SGCD: variants seen among roughly 807,000 people sequenced by gnomAD.
The protein encoded by SGCD is delta-sarcoglycan.
Under a neutral mutation model 36.6 loss-of-function variants are expected in SGCD, and 18 were observed. The observed-to-expected ratio is 0.49, with a 90% CI of 0.34 to 0.73. The LOEUF (loss-of-function observed/expected upper bound fraction) is 0.73, where lower values mean the gene tolerates loss of function less well. Among genes scored for constraint, SGCD ranks in the 30% least tolerant of loss-of-function variants. SGCD has a pLI of 0.01. For missense variants in SGCD, 387 were observed against 346.7 expected, an observed-to-expected ratio of 1.12 and a Z score of -0.92; for synonymous variants, 133 against 130.6, an observed-to-expected ratio of 1.02 and a Z score of -0.12.
intron 1 of SGCD, among the ~76,000 whole-genome samples, chr5:155,889,764 A>G (rs573524876): frequency 6.6e-6 from 1 of 152,184 alleles, no homozygotes; most frequent in Non-Finnish European, 1.5e-5. Flanking sequence ...GAGTAAGATC[A>G]TATCACAGAC....
intron 1 of SGCD, among the ~76,000 whole-genome samples, chr5:156,068,794 G>C (rs1432368805): frequency 6.6e-6 from 1 of 151,672 alleles, no homozygotes; most frequent in Non-Finnish European, 1.5e-5. Flanking sequence ...GTTGTTTCCT[G>C]ACTTCTTAAT....
chr5:155,741,928 AC>A, the SGCD span, among the ~76,000 whole-genome samples: 1 of 151,492 alleles, frequency 6.6e-6, no homozygotes, highest in South Asian at 2.1e-4. Flanking sequence ...CAGAAAATCC[AC>A]CTGCCTTGGC....
chr5:156,002,625 C>G (rs879852439), intron 1 of SGCD, among the ~76,000 whole-genome samples: 1 of 152,206 alleles, frequency 6.6e-6, no homozygotes, highest in Admixed American at 6.5e-5. Flanking sequence ...ACTGTGACTC[C>G]TCTATCCAAC....
At chr5:156,721,590 G>A (rs1318037463) in intron 7 of SGCD, among the ~76,000 whole-genome samples, 1 of 152,150 alleles carries the variant, frequency 6.6e-6, no homozygotes, top group Non-Finnish European at 1.5e-5. Flanking sequence ...TAGTTGAAGG[G>A]GAATTTGGGA....
At chr5:156,646,774 A>G (rs1167616397) in intron 6 of SGCD, among the ~76,000 whole-genome samples, 2 of 152,178 alleles carry the variant, frequency 1.3e-5, no homozygotes, top group African/African-American at 4.8e-5. Flanking sequence ...GGAGCAGACA[A>G]ATCAGATAAT....
the SGCD span, among the ~76,000 whole-genome samples, chr5:155,751,702 G>GT: frequency 2.1e-3 from 309 of 146,186 alleles, no homozygotes; most frequent in Middle Eastern, 7.1e-3. Flanking sequence ...ATATCAAGGT[G>GT]TTTTTTTTTA....
intron 3 of SGCD, among the ~76,000 whole-genome samples, chr5:156,222,430 G>A (rs1364732176): frequency 6.6e-6 from 1 of 151,978 alleles, no homozygotes; most frequent in Non-Finnish European, 1.5e-5. Flanking sequence ...GCAGAGGAGT[G>A]GCAAGTTTTG....
chr5:156,348,690 C>T (rs1432928584), intron 3 of SGCD, among the ~76,000 whole-genome samples: 1 of 152,094 alleles, frequency 6.6e-6, no homozygotes, highest in Admixed American at 6.5e-5. Flanking sequence ...AAGCAATCTA[C>T]AGAGTCAATG....
intron 1 of SGCD, among the ~76,000 whole-genome samples, chr5:156,025,293 G>C (rs1759202530): frequency 2.6e-5 from 4 of 152,192 alleles, no homozygotes; most frequent in Admixed American, 2.6e-4. Flanking sequence ...AGTGGCCCAT[G>C]AGTCTCCCAC....
chr5:156,650,817 G>A (rs1188565441), intron 7 of SGCD, among the ~76,000 whole-genome samples: 2 of 152,116 alleles, frequency 1.3e-5, no homozygotes, highest in African/African-American at 4.8e-5. Flanking sequence ...CATTTTGATA[G>A]AACAATTTAT....
intron 7 of SGCD, among the ~76,000 whole-genome samples, chr5:156,666,853 G>GT: frequency 1.3e-5 from 2 of 152,200 alleles, no homozygotes; most frequent in South Asian, 4.1e-4. Context: ...CACAGACACA[G>GT]TAACAATTTG....
intron 7 of SGCD, among the ~76,000 whole-genome samples, chr5:156,657,638 C>T (rs539145243): frequency 4.0e-4 from 61 of 152,082 alleles, no homozygotes; most frequent in East Asian, 1.9e-3. Flanking sequence ...TGGTGCATGC[C>T]GGTAATCCCA....
intron 3 of SGCD, among the ~76,000 whole-genome samples, chr5:156,378,334 G>C (rs892112695): frequency 2.6e-5 from 4 of 152,154 alleles, no homozygotes; most frequent in Non-Finnish European, 5.9e-5. Context: ...GGTTGCCAAG[G>C]GGTGAGGGGA....
chr5:156,477,840 A>G (rs114077209), intron 3 of SGCD, among the ~76,000 whole-genome samples: 4,160 of 152,306 alleles, frequency 0.027, 89 homozygotes, highest in Non-Finnish European at 0.037. Flanking sequence ...TAGGTGCAAA[A>G]TGCAGCATCT....
At chr5:156,376,483 T>C (rs1770676938) in intron 3 of SGCD, among the ~76,000 whole-genome samples, 1 of 152,216 alleles carries the variant, frequency 6.6e-6, no homozygotes, top group South Asian at 2.1e-4. Context: ...TCTATAATCA[T>C]GCATATGTAA....
chr5:155,982,269 G>C (rs1758244360), intron 1 of SGCD, among the ~76,000 whole-genome samples: 1 of 152,102 alleles, frequency 6.6e-6, no homozygotes, highest in African/African-American at 2.4e-5. Flanking sequence ...ACTTTTCCCT[G>C]ATAAGTATTG....
At chr5:156,314,877 A>AT (rs1767474650) in intron 3 of SGCD, among the ~76,000 whole-genome samples, 1 of 151,822 alleles carries the variant, frequency 6.6e-6, no homozygotes. Context: ...AAGACTACGG[A>AT]TTTTTTTCAG....
intron 4 of SGCD, among the ~76,000 whole-genome samples, chr5:156,512,191 C>CAAAAAAAAAAAAAAAAAAAAAAAAA (rs759345867): frequency 1.5e-5 from 1 of 66,898 alleles, no homozygotes; most frequent in Non-Finnish European, 2.8e-5. Context: ...GACTCTGTCT[C>CAAAAAAAAAAAAAAAAAAAAAAAAA]AAAAAAAAAA....
intron 1 of SGCD, among the ~76,000 whole-genome samples, chr5:155,926,322 G>A (rs1756997129): frequency 6.6e-6 from 1 of 152,100 alleles, no homozygotes; most frequent in Non-Finnish European, 1.5e-5. Flanking sequence ...CCCTATGTTT[G>A]TGCCGCCTGT....
Sources: allele counts gnomAD v4.1 joint callset (sites outside exome capture counted in the v4.1 genomes callset), GRCh38; gene constraint gnomAD v4.1.1; transcripts MANE v1.5; gene names NCBI Gene and HGNC (gene_info 2026-07-23, HGNC 2026-07-21).